The following PTPRT variants were observed in gnomAD, a reference collection of about 807,000 sequenced individuals.
The protein encoded by PTPRT is protein tyrosine phosphatase receptor type T.
A neutral mutation model predicts 176.8 loss-of-function variants in PTPRT; 56 were observed. That is an observed-to-expected ratio of 0.32 (90% CI 0.26 to 0.40). The LOEUF (loss-of-function observed/expected upper bound fraction) is 0.40. PTPRT is among the 10% of genes least tolerant of loss of function. PTPRT has a pLI of 1.00. For missense variants in PTPRT, 1,540 were observed against 1,908.2 expected, an observed-to-expected ratio of 0.81 and a Z score of 3.60; for synonymous variants, 783 against 739.0, an observed-to-expected ratio of 1.06 and a Z score of -0.96.
intron 13 of PTPRT, among the ~76,000 whole-genome samples, chr20:42,252,988 G>C (rs2146932629): frequency 6.6e-6 from 1 of 152,326 alleles, no homozygotes; most frequent in African/African-American, 2.4e-5. Flanking sequence ...CACTCTTTAG[G>C]GGAACTTGCC....
intron 1 of PTPRT, among the ~76,000 whole-genome samples, chr20:43,019,233 T>C (rs1985529071): frequency 6.6e-6 from 1 of 152,130 alleles, no homozygotes; most frequent in Admixed American, 6.5e-5. Context: ...AGATCGCTGG[T>C]AAAACATTAA....
intron 18 of PTPRT, among the ~76,000 whole-genome samples, chr20:42,135,397 G>A (rs1184778253): frequency 6.6e-6 from 1 of 152,204 alleles, no homozygotes; most frequent in African/African-American, 2.4e-5. Context: ...CAGCACCTGG[G>A]AACTTGTTTG....
At chr20:42,678,708 C>T (rs6016869) in intron 6 of PTPRT, among the ~76,000 whole-genome samples, 54 of 152,304 alleles carry the variant, frequency 3.5e-4, no homozygotes, top group East Asian at 5.8e-4. Flanking sequence ...ACCTTATCTC[C>T]TTCATTTAAA....
rs1454002133 is a variant in PTPRT, at chr20:42,210,076, A to G, written c.2343-10688T>C. Among the ~76,000 whole-genome samples, 12 of 152,304 alleles carry G rather than the reference A, an allele frequency of 7.9e-5. No individual in the cohort carries two copies. The South Asian group carries it at 1.2e-3, about 16-fold the overall frequency. ...TGATTATTTCAATAGATGCAGAAAA[A>G]GCCTTTGACAAAATTCAACAACCCT... is the stretch of plus-strand genomic sequence containing the variant. On this transcript the variant is annotated intron_variant, in intron 15 of 30. Transcript: ENST00000373187.
chr20:42,310,416 G>A (rs2057609445), intron 12 of PTPRT, among the ~76,000 whole-genome samples: 1 of 152,130 alleles, frequency 6.6e-6, no homozygotes, highest in African/African-American at 2.4e-5. Context: ...TCTCTGAAAG[G>A]CTAACAAAGG....
intron 7 of PTPRT, among the ~76,000 whole-genome samples, chr20:42,543,112 T>C (rs941710969): frequency 6.6e-6 from 1 of 152,200 alleles, no homozygotes; most frequent in African/African-American, 2.4e-5. Flanking sequence ...TGTGGCAGTT[T>C]TTAAAAATAA....
intron 9 of PTPRT, among the ~76,000 whole-genome samples, chr20:42,382,372 G>T (rs1019260666): frequency 1.3e-5 from 2 of 152,182 alleles, no homozygotes; most frequent in Non-Finnish European, 2.9e-5. Context: ...CAGTTCTAAA[G>T]CATCCACATG....
At chr20:42,755,557 G>A (rs921107835) in intron 6 of PTPRT, among the ~76,000 whole-genome samples, 17 of 145,618 alleles carry the variant, frequency 1.2e-4, no homozygotes, top group Non-Finnish European at 1.3e-4. Flanking sequence ...AGTTACCAGT[G>A]TAAACTGTCA....
At chr20:43,056,556 G>A (rs1291751872) in intron 1 of PTPRT, among the ~76,000 whole-genome samples, 1 of 152,210 alleles carries the variant, frequency 6.6e-6, no homozygotes, top group Admixed American at 6.5e-5. Context: ...ACGGTCTGTT[G>A]CTGAAGCAAG....
At chr20:42,460,183 G>A (rs1296460254) in intron 8 of PTPRT, among the ~76,000 whole-genome samples, 1 of 152,118 alleles carries the variant, frequency 6.6e-6, no homozygotes, top group Non-Finnish European at 1.5e-5. Flanking sequence ...CTGGCCTGGA[G>A]GTATCAATTG....
chr20:42,468,531 C>G (rs140531987), intron 8 of PTPRT, among the ~76,000 whole-genome samples: 2 of 152,294 alleles, frequency 1.3e-5, no homozygotes, highest in East Asian at 3.9e-4. Context: ...CCACACATCT[C>G]CATAGAGCAG....
chr20:43,105,320 T>A (rs1472705645), intron 1 of PTPRT, among the ~76,000 whole-genome samples: 1 of 151,834 alleles, frequency 6.6e-6, no homozygotes, highest in African/African-American at 2.4e-5. Flanking sequence ...CAGCTTCATC[T>A]CTCCCCCACT....
At chr20:42,840,762 A>G (rs1002283192) in intron 2 of PTPRT, among the ~76,000 whole-genome samples, 6 of 152,068 alleles carry the variant, frequency 3.9e-5, no homozygotes, top group African/African-American at 1.4e-4. Flanking sequence ...AATGGGTATA[A>G]ATGCCTGTTC....
At chr20:42,307,868 G>A (rs2057567343) in intron 12 of PTPRT, among the ~76,000 whole-genome samples, 3 of 152,156 alleles carry the variant, frequency 2.0e-5, no homozygotes, top group East Asian at 1.9e-4. Flanking sequence ...AGATGTTGTT[G>A]ATGAAACAGG....
At chr20:42,591,893 G>A (rs1451106557) in intron 7 of PTPRT, among the ~76,000 whole-genome samples, 1 of 151,890 alleles carries the variant, frequency 6.6e-6, no homozygotes, top group Non-Finnish European at 1.5e-5. Flanking sequence ...ACCGAGCACT[G>A]GTGGAGGATA....
chr20:42,633,807 AT>A lies in PTPRT; in HGVS notation c.1153+44058del, dbSNP rs1569037155. Reference sequence around the variant, plus strand: ...AAAATATATATATATATATATATATATATATATATATAATAAAATATTAATA... The same window carrying A: ...AAAATATATATATATATATATATATAATATATATATAATAAAATATTAATA... On this transcript the variant is annotated intron_variant, in intron 7 of 30. Coordinates refer to ENST00000373187, the MANE Select transcript of PTPRT (RefSeq NM_007050.6). Among the ~76,000 whole-genome samples the A allele has an allele frequency of 7.3e-5, 7 of 95,634 alleles. 1 individual carries two copies. Among genetic ancestry groups the A allele is most frequent in the African/African-American group, 2.5e-4 (5 of 19,634 alleles). The allele number at this position is 95,634 out of a possible 152,430, so 62.7% of individuals were successfully genotyped here.
At chr20:42,435,629 A>C (rs2059255870) in intron 9 of PTPRT, among the ~76,000 whole-genome samples, 1 of 152,240 alleles carries the variant, frequency 6.6e-6, no homozygotes, top group South Asian at 2.1e-4. Flanking sequence ...TCTAAAATTA[A>C]GGTAATAAAA....
At chr20:43,056,919 T>C (rs1987259452) in intron 1 of PTPRT, among the ~76,000 whole-genome samples, 6 of 152,118 alleles carry the variant, frequency 3.9e-5, no homozygotes, top group Admixed American at 2.6e-4. Flanking sequence ...GCGTCCTTAT[T>C]CCTGCTTCCT....
At chr20:42,924,150 C>T (rs994105962) in intron 1 of PTPRT, among the ~76,000 whole-genome samples, 3 of 152,270 alleles carry the variant, frequency 2.0e-5, no homozygotes, top group African/African-American at 4.8e-5. Context: ...CTACCATGTC[C>T]GGCCAGATGG....
Sources: allele counts gnomAD v4.1 joint callset (sites outside exome capture counted in the v4.1 genomes callset), GRCh38; gene constraint gnomAD v4.1.1; transcripts MANE v1.5; gene names NCBI Gene and HGNC (gene_info 2026-07-23, HGNC 2026-07-21).